IDO2: variants seen among roughly 807,000 people sequenced by gnomAD.
IDO2 encodes the protein indoleamine 2,3-dioxygenase 2.
In IDO2, 46 loss-of-function variants were observed where a neutral mutation model predicts 45.1. That is an observed-to-expected ratio of 1.02 (90% CI 0.80 to 1.30). The LOEUF is 1.30. Ranked by LOEUF, IDO2 falls within the 50% of genes most tolerant of loss-of-function variation. The pLI is 0.00. For missense variants in IDO2, 544 were observed against 491.8 expected, an observed-to-expected ratio of 1.11 and a Z score of -1.00; for synonymous variants, 218 against 184.9, an observed-to-expected ratio of 1.18 and a Z score of -1.45.
At chr8:39,957,810 A>G (rs1807926606) in intron 2 of IDO2, among the ~76,000 whole-genome samples, 1 of 152,180 alleles carries the variant, frequency 6.6e-6, no homozygotes, top group South Asian at 2.1e-4. Context: ...TCTGCTTCAA[A>G]TTCTAATCTT....
intron 3 of IDO2, among the ~76,000 whole-genome samples, chr8:39,970,942 G>A (rs1410211140): frequency 6.7e-6 from 1 of 149,602 alleles, no homozygotes; most frequent in Non-Finnish European, 1.5e-5. Context: ...AATTTTTGCA[G>A]TTTTAGTAGA....
rs768187167 is a variant in IDO2, at chr8:40,015,523, CAGGTGG to C, written c.1147_1152del (p.Gly383_Gly384del). Reference sequence around the variant, plus strand: ...CCTCAGGCTTTAAAAGACAGGGGCACAGGTGGAACCGCAGTTATGAGCTTTCTTAAG... The same window carrying C: ...CCTCAGGCTTTAAAAGACAGGGGCACAACCGCAGTTATGAGCTTTCTTAAG... On this transcript the variant is annotated inframe_deletion, in exon 11 of 11. Transcript: ENST00000502986. The C allele has an allele frequency of 2.0e-5, 32 of 1,613,846 alleles. No individual in the cohort carries two copies. In the Admixed American group the frequency reaches 5.3e-4, roughly 27 times the overall value.
exon 4 of IDO2, chr8:39,979,085 C>A (rs1448649684): frequency 1.3e-6 from 2 of 1,592,312 alleles, no homozygotes; most frequent in Non-Finnish European, 1.7e-6. Flanking sequence ...GCTGAGCTGC[C>A]AGTTCCTGAA....
At chr8:39,989,173 G>A (rs189891994) in intron 7 of IDO2, among the ~76,000 whole-genome samples, 2 of 152,058 alleles carry the variant, frequency 1.3e-5, no homozygotes, top group African/African-American at 2.4e-5. Flanking sequence ...GAGAGCAAAG[G>A]GGGGAGCTGC....
At chr8:40,015,992 T>C (rs1802382828) in exon 11 of IDO2, 1 of 383,056 alleles carries the variant, frequency 2.6e-6, no homozygotes. Flanking sequence ...TAACAATTCA[T>C]TAAGTTCATA....
At chr8:39,962,278 A>C (rs1323361685) in intron 2 of IDO2, among the ~76,000 whole-genome samples, 1 of 152,184 alleles carries the variant, frequency 6.6e-6, no homozygotes, top group Non-Finnish European at 1.5e-5. Flanking sequence ...TTCATTTTCC[A>C]AGTGTATCTT....
At position 39,972,540 on chromosome 8, in the gene IDO2, G is replaced by A. The variant is rs548737658; in HGVS notation, c.196-6527G>A. Among the ~76,000 whole-genome samples, 7 of 143,128 alleles carry A rather than the reference G, an allele frequency of 4.9e-5. No homozygotes were observed. The East Asian group carries it at 1.4e-3, about 30-fold the overall frequency. 93.9% of individuals were successfully genotyped at this position (143,128 alleles called of 152,430 possible). On this transcript the variant is annotated intron_variant, in intron 3 of 10. Transcript: ENST00000502986. Reference sequence around the variant, plus strand: ...CAGGAGAATTGCTTTAACCTGGGAGGCAGAGGTTGCAGTGAGTCAAGATCT... The same window carrying A: ...CAGGAGAATTGCTTTAACCTGGGAGACAGAGGTTGCAGTGAGTCAAGATCT...
intron 2 of IDO2, among the ~76,000 whole-genome samples, chr8:39,950,477 G>A (rs1807797703): frequency 6.6e-6 from 1 of 152,210 alleles, no homozygotes; most frequent in South Asian, 2.1e-4. Context: ...GTTGCAATGA[G>A]TGGAGATCAT....
intron 1 of IDO2, among the ~76,000 whole-genome samples, chr8:39,936,674 C>A (rs1563421261): frequency 6.6e-6 from 1 of 152,032 alleles, no homozygotes. Flanking sequence ...TAAGTAGTAA[C>A]CTTAGAGGCA....
exon 2 of IDO2, chr8:39,949,228 A>G (rs1350654603): frequency 1.2e-6 from 2 of 1,604,362 alleles, no homozygotes; most frequent in Non-Finnish European, 1.7e-6. Flanking sequence ...GCTATCACAT[A>G]TCTGAAGAGT....
At chr8:39,947,948 C>T (rs1426452704) in intron 1 of IDO2, among the ~76,000 whole-genome samples, 3 of 152,036 alleles carry the variant, frequency 2.0e-5, no homozygotes, top group Admixed American at 6.6e-5. Flanking sequence ...CCACCACGCT[C>T]GGCTAATTTT....
chr8:39,994,747 G>A (rs1802008785), intron 8 of IDO2, among the ~76,000 whole-genome samples: 1 of 151,868 alleles, frequency 6.6e-6, no homozygotes, highest in Non-Finnish European at 1.5e-5. Flanking sequence ...CTTCAGAAAT[G>A]ACATTTACTC....
At chr8:39,987,022 G>A (rs992963186) in intron 6 of IDO2, 1 of 152,016 alleles carries the variant, frequency 6.6e-6, no homozygotes, top group Non-Finnish European at 1.5e-5. Context: ...GCTAATTTTT[G>A]TATTTTTAGT....
chr8:40,008,732 T>C (rs1327833383), intron 9 of IDO2, among the ~76,000 whole-genome samples: 2 of 152,220 alleles, frequency 1.3e-5, no homozygotes, highest in African/African-American at 4.8e-5. Flanking sequence ...TCCCCATGAT[T>C]AGATGTGTAC....
intron 4 of IDO2, among the ~76,000 whole-genome samples, chr8:39,980,318 C>T (rs956096595): frequency 1.3e-5 from 2 of 152,160 alleles, no homozygotes; most frequent in Admixed American, 6.5e-5. Flanking sequence ...GGCCAGAACC[C>T]AGGTCTTCTG....
chr8:39,970,044 G>A (rs958201153), intron 3 of IDO2, among the ~76,000 whole-genome samples: 1 of 152,150 alleles, frequency 6.6e-6, no homozygotes, highest in Non-Finnish European at 1.5e-5. Flanking sequence ...GTGAACATAC[G>A]AATGATAAGA....
chr8:40,015,185 C>A, intron 10 of IDO2, 62 bp from the exon 11 acceptor site: 1 of 982,278 alleles, frequency 1.0e-6, no homozygotes, highest in Non-Finnish European at 1.5e-6. Context: ...GAAGAAGAAG[C>A]AGACGAGCTC....
chr8:39,963,551 C>T (rs1808031001), intron 2 of IDO2, 57 bp from the exon 3 acceptor site: 19 of 986,250 alleles, frequency 1.9e-5, no homozygotes, highest in Admixed American at 2.4e-5. Flanking sequence ...TAGCTACTCT[C>T]GGAAGCCCCT....
chr8:39,956,356 G>A (rs1030422446), intron 2 of IDO2, among the ~76,000 whole-genome samples: 4 of 152,034 alleles, frequency 2.6e-5, no homozygotes, highest in Admixed American at 6.6e-5. Context: ...GCCACCACAC[G>A]CAGCCAATTA....
Sources: allele counts gnomAD v4.1 joint callset (sites outside exome capture counted in the v4.1 genomes callset), GRCh38; gene constraint gnomAD v4.1.1; transcripts MANE v1.5; gene names NCBI Gene and HGNC (gene_info 2026-07-23, HGNC 2026-07-21).